Variants in ZNF883 observed in about 807,000 individuals in gnomAD.
ZNF883 encodes zinc finger protein 883.
chr9:113,003,110 C>A (rs1828442215), upstream of ZNF883, among the ~76,000 whole-genome samples: 1 of 152,184 alleles, frequency 6.6e-6, no homozygotes, highest in African/African-American at 2.4e-5. Context: ...TGTGTCCCCA[C>A]CCAAATCTCA....
At chr9:112,991,527 G>T (rs1828302794) in intron 1 of ZNF883, among the ~76,000 whole-genome samples, 1 of 152,096 alleles carries the variant, frequency 6.6e-6, no homozygotes, top group Admixed American at 6.6e-5. Context: ...TTTAGAGTCA[G>T]TGCATTGCGG....
At chr9:112,994,201 G>T (rs1478173063), downstream of ZNF883, among the ~76,000 whole-genome samples, 1 of 152,196 alleles carries the variant, frequency 6.6e-6, no homozygotes, top group Non-Finnish European at 1.5e-5. Context: ...TCCTGGGCAG[G>T]GTAGCACAAT....
exon 1 of ZNF883, chr9:112,997,176 T>A: frequency 6.2e-7 from 1 of 1,613,230 alleles, no homozygotes; most frequent in Non-Finnish European, 8.5e-7. Flanking sequence ...ATTAAGGATG[T>A]ACTATGACAA....
chr9:112,995,132 G>A (rs1399358293), downstream of ZNF883, among the ~76,000 whole-genome samples: 2 of 152,192 alleles, frequency 1.3e-5, no homozygotes, highest in Admixed American at 6.5e-5. Context: ...ATTTGAACCA[G>A]TAGACTAAGT....
chr9:112,992,343 C>A (rs932018341), downstream of ZNF883, among the ~76,000 whole-genome samples: 1 of 152,144 alleles, frequency 6.6e-6, no homozygotes, highest in Non-Finnish European at 1.5e-5. Context: ...GCTTACGAAG[C>A]TTAGTTTGGT....
exon 1 of ZNF883, chr9:112,997,197 C>T (rs1014108353): frequency 1.2e-6 from 2 of 1,613,648 alleles, no homozygotes; most frequent in African/African-American, 2.7e-5. Flanking sequence ...AAGACATCAC[C>T]ACACTTAGTA....
chr9:113,009,832 A>G (rs1564335438), intron 2 of ZNF883, among the ~76,000 whole-genome samples: 2 of 152,074 alleles, frequency 1.3e-5, no homozygotes, highest in Non-Finnish European at 1.5e-5. Flanking sequence ...CTATAATGTC[A>G]TCTACCAGTG....
At chr9:112,997,187 A>G in exon 1 of ZNF883, 1 of 1,613,580 alleles carries the variant, frequency 6.2e-7, no homozygotes, top group Non-Finnish European at 8.5e-7. Context: ...ACTATGACAA[A>G]AGACATCACC....
rs372557490 is a variant in ZNF883 at position 112,997,634 on chromosome 9, T to C, written n.626A>G. ...AGCTTTCCCACATTCATTACATTCA[T>C]ATGGTTTCTCTCCTGTGTGGGTTCT... On this transcript the variant is annotated non_coding_transcript_exon_variant, in exon 1 of 1. Transcript: ENST00000639662. 1.8e-5 allele frequency: 29 copies of C among 1,613,668 alleles called. No homozygotes were observed. The African/African-American group carries it at 2.5e-4, about 14-fold the overall frequency.
upstream of ZNF883, among the ~76,000 whole-genome samples, chr9:113,002,746 G>A (rs10981594): frequency 0.3 from 44,874 of 152,030 alleles, 7,537 homozygotes; most frequent in African/African-American, 0.45. Context: ...GGCACATGTT[G>A]AAACTTAATT....
chr9:113,004,718 C>A (rs543080570), intron 2 of ZNF883, among the ~76,000 whole-genome samples: 1 of 151,532 alleles, frequency 6.6e-6, no homozygotes, highest in Admixed American at 6.6e-5. Flanking sequence ...CTACAGTATT[C>A]TGTTACAGTA....
At chr9:112,992,071 G>T (rs1828308726) in intron 1 of ZNF883, among the ~76,000 whole-genome samples, 1 of 152,256 alleles carries the variant, frequency 6.6e-6, no homozygotes, top group Admixed American at 6.5e-5. Context: ...GGGGCATTTA[G>T]CCCATTTACA....
At position 112,997,754 on chromosome 9, in the gene ZNF883, A is replaced by T. The variant is rs747115368; in HGVS notation, n.506T>A. Reference sequence around the variant, plus strand: ...CTCAGAATGAATTCCCTGATGTTCAATTAGGTGTGTGCTGCGGCTGAAGGT... The same window carrying T: ...CTCAGAATGAATTCCCTGATGTTCATTTAGGTGTGTGCTGCGGCTGAAGGT... On this transcript the variant is annotated non_coding_transcript_exon_variant, in exon 1 of 1. Transcript: ENST00000639662. 3 of 1,613,854 alleles carry T rather than the reference A, an allele frequency of 1.9e-6. No individual in the cohort carries two copies. In the Admixed American group the frequency reaches 5.0e-5, roughly 27 times the overall value.
chr9:113,003,654 A>C (rs1486018659), intron 2 of ZNF883, among the ~76,000 whole-genome samples: 1 of 152,166 alleles, frequency 6.6e-6, no homozygotes, highest in African/African-American at 2.4e-5. Context: ...CCAATGACTC[A>C]CAGATTCCAC....
downstream of ZNF883, among the ~76,000 whole-genome samples, chr9:112,995,517 T>A (rs1476814597): frequency 6.6e-6 from 1 of 151,628 alleles, no homozygotes; most frequent in Non-Finnish European, 1.5e-5. Flanking sequence ...TTCCTTCCTC[T>A]CTCTCTCTTT....
At chr9:113,002,228 TTTA>T (rs1239426052), upstream of ZNF883, among the ~76,000 whole-genome samples, 1 of 152,188 alleles carries the variant, frequency 6.6e-6, no homozygotes, top group Non-Finnish European at 1.5e-5. Flanking sequence ...TGGCCAAAAG[TTTA>T]TTATTTGATG....
chr9:113,007,163 T>C (rs1830870), intron 2 of ZNF883, among the ~76,000 whole-genome samples: 89,862 of 152,134 alleles, frequency 0.59, 27,266 homozygotes, highest in East Asian at 0.85. Context: ...CACTGCACTC[T>C]AGTCTGGGCA....
upstream of ZNF883, among the ~76,000 whole-genome samples, chr9:113,002,894 T>C (rs1828440148): frequency 6.6e-6 from 1 of 152,180 alleles, no homozygotes; most frequent in East Asian, 1.9e-4. Context: ...TTTTCTGCCA[T>C]GTAAGGATAC....
chr9:112,988,621 T>C (rs1828274695), intron 1 of ZNF883, among the ~76,000 whole-genome samples: 1 of 152,238 alleles, frequency 6.6e-6, no homozygotes, highest in African/African-American at 2.4e-5. Flanking sequence ...AACATACGTG[T>C]GCATGTATCT....
Sources: gnomAD v4.1 joint callset for allele counts (sites outside exome capture counted in the v4.1 genomes callset) on GRCh38, gnomAD v4.1.1 for gene constraint, MANE v1.5 for transcripts, NCBI Gene and HGNC (gene_info 2026-07-23, HGNC 2026-07-21) for gene names.